The following ZNF320 variants were observed in gnomAD, a reference collection of about 807,000 sequenced individuals.
ZNF320 encodes zinc finger protein 320.
ZNF320 carries 2 observed loss-of-function variants against 6.8 expected under a neutral mutation model. That is an observed-to-expected ratio of 0.29 (90% CI 0.12 to 0.93). The LOEUF (loss-of-function observed/expected upper bound fraction) is 0.93. ZNF320 is among the 40% of genes least tolerant of loss of function. The pLI is 0.55. For synonymous variants in ZNF320, 208 were observed against 203.2 expected, an observed-to-expected ratio of 1.02 and a Z score of -0.20; for missense variants, 472 against 611.0, an observed-to-expected ratio of 0.77 and a Z score of 2.40.
At chr19:52,898,705 T>G (rs2064542484), upstream of ZNF320, among the ~76,000 whole-genome samples, 1 of 152,168 alleles carries the variant, frequency 6.6e-6, no homozygotes, top group Non-Finnish European at 1.5e-5. Flanking sequence ...TCGTGATTGA[T>G]TTGAGCGAGC....
chr19:52,864,980 G>A (rs1163802587), intron 5 of ZNF320, among the ~76,000 whole-genome samples: 3 of 151,746 alleles, frequency 2.0e-5, no homozygotes, highest in African/African-American at 7.3e-5. Flanking sequence ...GCCACTACAC[G>A]CCAGCCTGGG....
chr19:52,865,883 A>G (rs1307205239), intron 5 of ZNF320, among the ~76,000 whole-genome samples: 2 of 126,168 alleles, frequency 1.6e-5, no homozygotes, highest in African/African-American at 6.3e-5. Flanking sequence ...TTTATATATT[A>G]TACATATATT....
intron 5 of ZNF320, chr19:52,865,489 A>ATATATATTATACATATATATT (rs1255085927): frequency 2.2e-5 from 3 of 137,972 alleles, no homozygotes; most frequent in African/African-American, 5.7e-5. Context: ...TATATAATAC[A>ATATATATTATACATATATATT]TATATATTAT....
rs151179062 is a variant in ZNF320 at position 52,881,491 on chromosome 19, C to T, written c.635G>A (p.Arg212Lys). The T allele has an allele frequency of 3.5e-4, 566 of 1,614,066 alleles. 3 individuals carry two copies. The African/African-American group carries it at 6.7e-3, about 19-fold the overall frequency. Residue 212 changes from arginine to lysine, a missense_variant, in exon 6 of 6, where the codon AGG becomes AAG. This residue lies in a region of ZNF320 where 462 missense variants were observed against 559.7 expected (regional missense o/e 0.83). Transcript: ENST00000682928. ...ATTACATGTGTAATGTTTGTCTCCCCTGTGAATTCTAGTATGTTTTGCCAG... is the reference window on the plus strand; with the variant it reads ...ATTACATGTGTAATGTTTGTCTCCCTTGTGAATTCTAGTATGTTTTGCCAG... ...SHLAKHTRIH[R>K]GDKHYTCNEC...
chr19:52,873,987 T>C, downstream of ZNF320: 1 of 459,026 alleles, frequency 2.2e-6, no homozygotes, highest in African/African-American at 2.1e-5. Context: ...GAAATATCAC[T>C]TCACCTGAGG....
At chr19:52,892,291 C>G (rs926561225) in intron 2 of ZNF320, 2 of 152,082 alleles carry the variant, frequency 1.3e-5, no homozygotes, top group East Asian at 1.9e-4. Context: ...CACTTGAACC[C>G]GGAGGCGGAG....
At chr19:52,898,477 A>G (rs374624288), upstream of ZNF320, among the ~76,000 whole-genome samples, 35 of 152,338 alleles carry the variant, frequency 2.3e-4, no homozygotes, top group South Asian at 2.3e-3. Context: ...CTCCGCCTCA[A>G]TAAGAAAAAA....
intron 1 of ZNF320, chr19:52,895,809 C>A (rs2064452920): frequency 6.6e-6 from 1 of 150,422 alleles, no homozygotes; most frequent in African/African-American, 2.4e-5. Context: ...GACTTTGTCT[C>A]AAAAAAAAGT....
intron 1 of ZNF320, 45 bp from the exon 2 acceptor site, chr19:52,893,901 T>C (rs1233335853): frequency 6.6e-6 from 1 of 151,512 alleles, no homozygotes; most frequent in Non-Finnish European, 1.5e-5. Flanking sequence ...CCCCAAAAAG[T>C]TGGAAGCTCA....
chr19:52,886,578 T>G (rs2064086027), intron 5 of ZNF320, among the ~76,000 whole-genome samples: 1 of 152,246 alleles, frequency 6.6e-6, no homozygotes, highest in Admixed American at 6.5e-5. Flanking sequence ...GGTTGTTATA[T>G]TCACACTGGA....
At position 52,880,347 on chromosome 19, in the gene ZNF320, T is replaced by C. The variant is rs1373588872; in HGVS notation, c.*249A>G. 1 of 387,982 alleles carries C rather than the reference T, an allele frequency of 2.6e-6. No individual in the cohort carries two copies. The highest frequency in any genetic ancestry group is 4.6e-6 in the Non-Finnish European group (1 of 217,634). 24.0% of individuals were successfully genotyped at this position (387,982 alleles called of 1,614,324 possible). A position where few individuals can be genotyped will look rare whatever the true frequency, so the allele number is the denominator to read the frequency against. ...TGGGCGACAGAGCAAGATTCCATCT[T>C]AAAAATAAATAAATAAATAAAAGAA... On this transcript the variant is annotated 3_prime_UTR_variant, in exon 6 of 6. Coordinates refer to ENST00000682928, the MANE Select transcript of ZNF320 (RefSeq NM_001351774.2).
In ZNF320 at chr19:52,866,072, A is replaced by G. The variant is rs1255073385; in HGVS notation, c.224-1913T>C. Among the ~76,000 whole-genome samples, 13 of 112,962 alleles carry G rather than the reference A, an allele frequency of 1.2e-4. 1 individual carries two copies. Among genetic ancestry groups the G allele is most frequent in the Admixed American group, 5.8e-4 (6 of 10,398 alleles). The allele number at this position is 112,962 out of a possible 152,430, so 74.1% of individuals were successfully genotyped here. On this transcript the variant is annotated intron_variant, in intron 5 of 5. Transcript: ENST00000673631. ...TATATGATTATACATATATTTATAT[A>G]TATGATTATACATATATTTATATAT...
chr19:52,883,748 A>C, intron 5 of ZNF320: 1 of 342,234 alleles, frequency 2.9e-6, no homozygotes, highest in Non-Finnish European at 5.8e-6. Context: ...AAATACAAAA[A>C]AAATTAGCTG....
chr19:52,864,075 T>C (rs764580567), exon 6 of ZNF320: 1 of 483,030 alleles, frequency 2.1e-6, no homozygotes, highest in African/African-American at 2.1e-5. Context: ...ATCACAGCCC[T>C]GTATAAAGCG....
chr19:52,900,433 G>A (rs1600670623), upstream of ZNF320, among the ~76,000 whole-genome samples: 1 of 152,148 alleles, frequency 6.6e-6, no homozygotes, highest in Non-Finnish European at 1.5e-5. Context: ...CAGGAACTGG[G>A]TTTGTAGGAA....
chr19:52,898,419 AG>A (rs1455613484), upstream of ZNF320, among the ~76,000 whole-genome samples: 1 of 152,208 alleles, frequency 6.6e-6, no homozygotes, highest in Non-Finnish European at 1.5e-5. Flanking sequence ...CCGGAGGTCC[AG>A]GCCAGCGTGG....
upstream of ZNF320, among the ~76,000 whole-genome samples, chr19:52,902,483 A>G (rs1267062690): frequency 6.6e-6 from 1 of 152,210 alleles, no homozygotes; most frequent in Non-Finnish European, 1.5e-5. Flanking sequence ...TATTTGATCT[A>G]TTTCAACCAG....
At chr19:52,890,549 C>A (rs2064254629) in intron 3 of ZNF320, among the ~76,000 whole-genome samples, 1 of 152,174 alleles carries the variant, frequency 6.6e-6, no homozygotes, top group South Asian at 2.1e-4. Context: ...ATGAGCTCCC[C>A]TTCAGGGCAC....
exon 6 of ZNF320, chr19:52,862,352 T>A: frequency 1.9e-6 from 1 of 518,278 alleles, no homozygotes; most frequent in South Asian, 1.4e-5. Context: ...TACATTTGTA[T>A]GGTTTCTCTC....
Sources: gnomAD v4.1 joint callset for allele counts (sites outside exome capture counted in the v4.1 genomes callset) on GRCh38, gnomAD v4.1.1 for gene constraint, gnomAD v4.1.1 regional missense constraint, MANE v1.5 for transcripts, NCBI Gene and HGNC (gene_info 2026-07-23, HGNC 2026-07-21) for gene names.